The following GRIK2 variants were observed in gnomAD, a reference collection of about 807,000 sequenced individuals.
The protein encoded by GRIK2 is glutamate receptor ionotropic, kainate 2.
GRIK2 carries 32 observed loss-of-function variants against 100.3 expected under a neutral mutation model. The ratio of observed to expected loss-of-function variants is 0.32; its 90% CI spans 0.24 to 0.43. The LOEUF (loss-of-function observed/expected upper bound fraction) is 0.43, where lower values mean the gene tolerates loss of function less well. GRIK2 is among the 20% of genes least tolerant of loss of function. The pLI, the probability that GRIK2 is intolerant of heterozygous loss-of-function variation, is 1.00. For synonymous variants in GRIK2, 417 were observed against 389.4 expected, an observed-to-expected ratio of 1.07 and a Z score of -0.83; for missense variants, 843 against 1,114.9, an observed-to-expected ratio of 0.76 and a Z score of 3.47.
chr6:101,842,199 T>C (rs1783547715), intron 10 of GRIK2, among the ~76,000 whole-genome samples: 1 of 152,164 alleles, frequency 6.6e-6, no homozygotes, highest in Non-Finnish European at 1.5e-5. Context: ...GACTTTCTAA[T>C]ATGTTTTTTA....
chr6:101,875,646 G>A (rs895153552), intron 11 of GRIK2, among the ~76,000 whole-genome samples: 1 of 151,654 alleles, frequency 6.6e-6, no homozygotes, highest in African/African-American at 2.4e-5. Context: ...TACATTGAAT[G>A]AGTTTTCTTT....
At chr6:101,772,261 T>C (rs1261213045) in intron 7 of GRIK2, among the ~76,000 whole-genome samples, 1 of 152,224 alleles carries the variant, frequency 6.6e-6, no homozygotes, top group Non-Finnish European at 1.5e-5. Context: ...ACTAATGAGC[T>C]GAGCTTGTTT....
chr6:101,449,907 C>T (rs1460845489), intron 2 of GRIK2, among the ~76,000 whole-genome samples: 2 of 151,576 alleles, frequency 1.3e-5, no homozygotes, highest in Admixed American at 1.3e-4. Flanking sequence ...AAAGATAAAG[C>T]ATTGGGAAAA....
intron 14 of GRIK2, among the ~76,000 whole-genome samples, chr6:101,963,509 C>CTTTTTTTTTTTTTTTTTTTT (rs770178884): frequency 5.7e-4 from 60 of 106,094 alleles, no homozygotes; most frequent in African/African-American, 6.5e-4. Context: ...TTCTTTCTTT[C>CTTTTTTTTTTTTTTTTTTTT]TTTTTTTTTT....
intron 7 of GRIK2, among the ~76,000 whole-genome samples, chr6:101,703,106 G>T (rs1773010351): frequency 1.3e-5 from 2 of 151,850 alleles, no homozygotes; most frequent in Non-Finnish European, 1.5e-5. Flanking sequence ...GAATTATTTT[G>T]GGAAGGAATA....
intron 14 of GRIK2, among the ~76,000 whole-genome samples, chr6:101,972,175 G>A (rs1793092458): frequency 6.6e-6 from 1 of 151,880 alleles, no homozygotes; most frequent in Non-Finnish European, 1.5e-5. Context: ...ATCTCCAAAT[G>A]GCTTTCCACA....
chr6:101,409,879 C>G (rs1775801186), intron 2 of GRIK2, among the ~76,000 whole-genome samples: 1 of 151,974 alleles, frequency 6.6e-6, no homozygotes, highest in Non-Finnish European at 1.5e-5. Context: ...TATCTAACTT[C>G]TTAAACTGTG....
chr6:101,485,739 A>G (rs910965486), intron 2 of GRIK2, among the ~76,000 whole-genome samples: 1 of 152,130 alleles, frequency 6.6e-6, no homozygotes, highest in Non-Finnish European at 1.5e-5. Flanking sequence ...CTTTAATATG[A>G]ATATTTCTTT....
intron 2 of GRIK2, among the ~76,000 whole-genome samples, chr6:101,604,881 AG>A (rs1779375072): frequency 6.6e-6 from 1 of 151,962 alleles, no homozygotes; most frequent in South Asian, 2.1e-4. Flanking sequence ...CCAAACCAGC[AG>A]GTAGCTTGAA....
chr6:101,922,316 T>C (rs1789607271), intron 12 of GRIK2, among the ~76,000 whole-genome samples: 1 of 152,102 alleles, frequency 6.6e-6, no homozygotes, highest in Non-Finnish European at 1.5e-5. Context: ...AACATCTATA[T>C]AATACTTCAG....
At chr6:102,067,284 T>C (rs1356112334) in intron 16 of GRIK2, among the ~76,000 whole-genome samples, 1 of 151,706 alleles carries the variant, frequency 6.6e-6, no homozygotes, top group Non-Finnish European at 1.5e-5. Context: ...CTTTTAGCAC[T>C]TTTCAATAAT....
At chr6:101,898,056 T>G (rs756983315) in intron 12 of GRIK2, among the ~76,000 whole-genome samples, 3 of 151,894 alleles carry the variant, frequency 2.0e-5, no homozygotes, top group Non-Finnish European at 2.9e-5. Context: ...AGATTATATT[T>G]GAGAACTATA....
At chr6:101,745,279 AT>A (rs1776356498) in intron 7 of GRIK2, 1 of 152,180 alleles carries the variant, frequency 6.6e-6, no homozygotes, top group South Asian at 2.1e-4. Context: ...TTTTGGATTT[AT>A]ACACTTTAGG....
chr6:101,917,007 T>C (rs561192389), intron 12 of GRIK2, among the ~76,000 whole-genome samples: 11 of 151,698 alleles, frequency 7.3e-5, no homozygotes, highest in African/African-American at 2.2e-4. Context: ...TTCAGCAGAT[T>C]GTACTTAACA....
intron 14 of GRIK2, among the ~76,000 whole-genome samples, chr6:102,028,725 CGTT>C (rs958977264): frequency 2.5e-4 from 34 of 135,672 alleles, no homozygotes; most frequent in Admixed American, 7.5e-4. Context: ...ATTAAGAAAT[CGTT>C]TTTTTTATTT....
intron 4 of GRIK2, among the ~76,000 whole-genome samples, chr6:101,631,067 A>G (rs1456251652): frequency 6.6e-6 from 1 of 152,110 alleles, no homozygotes; most frequent in Non-Finnish European, 1.5e-5. Context: ...AACAGGAGCT[A>G]TTTATTTTTT....
At chr6:101,626,273 A>C in intron 3 of GRIK2, 107 bp from the exon 4 acceptor site, 1 of 1,050,626 alleles carries the variant, frequency 9.5e-7, no homozygotes, top group Non-Finnish European at 1.4e-6. Flanking sequence ...TAAAAACACA[A>C]ATCTTTCTTG....
intron 2 of GRIK2, among the ~76,000 whole-genome samples, chr6:101,523,894 A>G (rs1002144567): frequency 5.3e-5 from 8 of 151,790 alleles, no homozygotes; most frequent in African/African-American, 1.9e-4. Flanking sequence ...TAATTTTTAT[A>G]GTTTTTTAGT....
intron 14 of GRIK2, among the ~76,000 whole-genome samples, chr6:102,013,090 T>C (rs1446849886): frequency 6.6e-6 from 1 of 152,190 alleles, no homozygotes; most frequent in Non-Finnish European, 1.5e-5. Context: ...TTTATTTGTT[T>C]GTGTCATCTT....
Sources: gnomAD v4.1 joint callset for allele counts (sites outside exome capture counted in the v4.1 genomes callset) on GRCh38, gnomAD v4.1.1 for gene constraint, MANE v1.5 for transcripts, NCBI Gene and HGNC (gene_info 2026-07-23, HGNC 2026-07-21) for gene names.